FARS2: variants seen among roughly 807,000 people sequenced by gnomAD.
FARS2 encodes phenylalanyl-tRNA synthetase 2, mitochondrial.
Under a neutral mutation model 46.4 loss-of-function variants are expected in FARS2, and 40 were observed. The observed-to-expected ratio is 0.86, with a 90% CI of 0.67 to 1.12. The LOEUF (loss-of-function observed/expected upper bound fraction) is 1.12. Among genes scored for constraint, FARS2 ranks in the 50% most tolerant of loss-of-function variants. The pLI is 0.00. For missense variants in FARS2, 513 were observed against 567.9 expected, an observed-to-expected ratio of 0.90 and a Z score of 0.98; for synonymous variants, 234 against 214.9, an observed-to-expected ratio of 1.09 and a Z score of -0.78.
chr6:5,556,157 T>C (rs1771644248), intron 5 of FARS2, among the ~76,000 whole-genome samples: 1 of 152,080 alleles, frequency 6.6e-6, no homozygotes, highest in South Asian at 2.1e-4. Context: ...AATCTCCCCT[T>C]AGAGCTCGCT....
At chr6:5,399,231 G>A (rs538655015) in intron 2 of FARS2, among the ~76,000 whole-genome samples, 28 of 150,464 alleles carry the variant, frequency 1.9e-4, no homozygotes, top group African/African-American at 6.8e-4. Context: ...CTAGAGTACA[G>A]TGGCATGATG....
At chr6:5,623,286 G>T (rs1775865847) in intron 6 of FARS2, among the ~76,000 whole-genome samples, 1 of 152,166 alleles carries the variant, frequency 6.6e-6, no homozygotes, top group African/African-American at 2.4e-5. Context: ...TGGGAGCCTT[G>T]GACTTGGCAG....
At chr6:5,729,807 A>G (rs573147249) in intron 6 of FARS2, among the ~76,000 whole-genome samples, 1 of 152,312 alleles carries the variant, frequency 6.6e-6, no homozygotes, top group South Asian at 2.1e-4. Context: ...ATGCTCCTTC[A>G]CTTACCCTGA....
chr6:5,287,831 G>GT (rs1399140934), intron 1 of FARS2, among the ~76,000 whole-genome samples: 2 of 152,020 alleles, frequency 1.3e-5, no homozygotes, highest in Non-Finnish European at 2.9e-5. Flanking sequence ...GGCTCCAGTT[G>GT]TTTTTTTCAA....
rs188883379 is a variant in FARS2, at chr6:5,380,496, G to A, written c.612+11314G>A. Among the ~76,000 whole-genome samples the A allele has an allele frequency of 5.3e-5, 8 of 152,268 alleles. No individual in the cohort carries two copies. The East Asian group carries it at 5.8e-4, about 11-fold the overall frequency. ...ATTTCTCTGCCTGGTGTGTATCATC[G>A]AATGCTACTTGTAGGGATGGAGTGG... is the stretch of plus-strand genomic sequence containing the variant. On this transcript the variant is annotated intron_variant, in intron 2 of 6. Transcript: ENST00000274680.
chr6:5,610,629 C>A (rs370783478), intron 5 of FARS2, among the ~76,000 whole-genome samples: 1 of 152,178 alleles, frequency 6.6e-6, no homozygotes, highest in East Asian at 1.9e-4. Context: ...GGAATCAATC[C>A]CCCTCAGATA....
At chr6:5,628,012 A>G (rs556222498) in intron 6 of FARS2, among the ~76,000 whole-genome samples, 46 of 152,326 alleles carry the variant, frequency 3.0e-4, no homozygotes, top group South Asian at 1.7e-3. Context: ...AGGGAAAAGG[A>G]AAAAAGGAAA....
chr6:5,547,306 A>G (rs1377789304), intron 5 of FARS2, among the ~76,000 whole-genome samples: 1 of 150,706 alleles, frequency 6.6e-6, no homozygotes, highest in African/African-American at 2.5e-5. Flanking sequence ...TTGATTATCT[A>G]GTGTTCTTTT....
At chr6:5,274,305 G>A (rs1017584554) in intron 1 of FARS2, among the ~76,000 whole-genome samples, 3 of 152,118 alleles carry the variant, frequency 2.0e-5, no homozygotes, top group East Asian at 1.9e-4. Flanking sequence ...ATTGTAATGC[G>A]GTCTTAGGCT....
chr6:5,693,426 C>T (rs528080636), intron 6 of FARS2, among the ~76,000 whole-genome samples: 4 of 152,310 alleles, frequency 2.6e-5, no homozygotes, highest in South Asian at 2.1e-4. Context: ...CCTCCCAAAG[C>T]GTGGCTGCTG....
intron 3 of FARS2, among the ~76,000 whole-genome samples, chr6:5,407,697 G>T (rs1761695138): frequency 6.6e-6 from 1 of 151,764 alleles, no homozygotes; most frequent in Admixed American, 6.6e-5. Flanking sequence ...TTCTCTTCCT[G>T]TCTCTAGGTT....
chr6:5,674,535 T>C (rs934476976), intron 6 of FARS2, among the ~76,000 whole-genome samples: 4 of 152,224 alleles, frequency 2.6e-5, no homozygotes, highest in Admixed American at 6.5e-5. Context: ...TCCCGGCAAC[T>C]GTAGACAAGG....
intron 5 of FARS2, among the ~76,000 whole-genome samples, chr6:5,577,955 C>T (rs1773086505): frequency 6.6e-6 from 1 of 152,084 alleles, no homozygotes. Context: ...GCACTTGCCA[C>T]CATGCCTGGC....
rs561521641 is a variant in FARS2 at position 5,264,340 on chromosome 6, A to G, written c.-22+2680A>G. 3.9e-5 allele frequency among the ~76,000 whole-genome samples: 6 copies of G among 152,338 alleles called. No homozygotes were observed. The South Asian group carries it at 1.2e-3, about 32-fold the overall frequency. ...TATTATACATTGATCCTTCATTTTA[A>G]TAGAACACGAAGGGGAAGGGGGAAG... On this transcript the variant is annotated intron_variant, in intron 1 of 6. Coordinates refer to ENST00000274680, the MANE Select transcript of FARS2 (RefSeq NM_006567.5).
intron 4 of FARS2, among the ~76,000 whole-genome samples, chr6:5,475,483 C>T (rs1244998665): frequency 6.6e-6 from 1 of 152,168 alleles, no homozygotes; most frequent in Non-Finnish European, 1.5e-5. Context: ...GATGAGAAGA[C>T]GTTGCATGAA....
At chr6:5,310,087 A>G (rs1768983606) in intron 1 of FARS2, among the ~76,000 whole-genome samples, 1 of 152,200 alleles carries the variant, frequency 6.6e-6, no homozygotes, top group Admixed American at 6.5e-5. Context: ...AAATTAGATT[A>G]TGATAATGAT....
intron 5 of FARS2, among the ~76,000 whole-genome samples, chr6:5,578,653 CA>C (rs1582493998): frequency 6.6e-6 from 1 of 151,562 alleles, no homozygotes; most frequent in East Asian, 1.9e-4. Context: ...ACTAAAAATA[CA>C]AAAAATTAGC....
At chr6:5,337,585 G>A (rs541763458) in intron 1 of FARS2, among the ~76,000 whole-genome samples, 3 of 152,040 alleles carry the variant, frequency 2.0e-5, no homozygotes, top group African/African-American at 7.2e-5. Context: ...TTCATTATTC[G>A]CTATTTACTG....
intron 2 of FARS2, among the ~76,000 whole-genome samples, chr6:5,402,334 A>G (rs1761307887): frequency 7.7e-6 from 1 of 129,296 alleles, no homozygotes; most frequent in Non-Finnish European, 1.6e-5. Flanking sequence ...TTGATTGAGC[A>G]TATGTAACTT....
Sources: allele counts gnomAD v4.1 joint callset (sites outside exome capture counted in the v4.1 genomes callset), GRCh38; gene constraint gnomAD v4.1.1; transcripts MANE v1.5; gene names NCBI Gene and HGNC (gene_info 2026-07-23, HGNC 2026-07-21).